HS3ST4: variants seen among roughly 807,000 people sequenced by gnomAD.
The protein encoded by HS3ST4 is heparan sulfate glucosamine 3-O-sulfotransferase 4.
A neutral mutation model predicts 29.2 loss-of-function variants in HS3ST4; 17 were observed. The observed-to-expected ratio is 0.58, with a 90% CI of 0.40 to 0.87. HS3ST4 has a LOEUF of 0.87. Ranked by LOEUF, HS3ST4 falls within the 40% of genes least tolerant of loss-of-function variation. The pLI, the probability that HS3ST4 is intolerant of heterozygous loss-of-function variation, is 0.00. For missense variants in HS3ST4, 627 were observed against 634.5 expected (o/e 0.99, Z 0.13); for synonymous variants, 314 against 285.7 (o/e 1.10, Z -1.00).
At chr16:25,893,554 A>G (rs1968031306) in intron 1 of HS3ST4, among the ~76,000 whole-genome samples, 1 of 152,164 alleles carries the variant, frequency 6.6e-6, no homozygotes, top group Non-Finnish European at 1.5e-5. Context: ...ATGCAAATTC[A>G]TGGACCAGGG....
intron 1 of HS3ST4, among the ~76,000 whole-genome samples, chr16:25,719,590 G>C (rs1207488073): frequency 5.9e-5 from 9 of 152,208 alleles, no homozygotes. Context: ...ACTGTTACCT[G>C]TTGGATTTTG....
At chr16:25,755,074 A>G (rs545564382) in intron 1 of HS3ST4, among the ~76,000 whole-genome samples, 1 of 151,916 alleles carries the variant, frequency 6.6e-6, no homozygotes, top group East Asian at 1.9e-4. Flanking sequence ...CCTACTATCC[A>G]TCCATTCATT....
chr16:25,907,538 A>G (rs934506257), intron 1 of HS3ST4, among the ~76,000 whole-genome samples: 37 of 152,238 alleles, frequency 2.4e-4, no homozygotes, highest in African/African-American at 8.7e-4. Flanking sequence ...AGCTTCATCG[A>G]TGACCCAGAG....
At chr16:25,916,013 T>A (rs1968289912) in intron 1 of HS3ST4, among the ~76,000 whole-genome samples, 1 of 152,186 alleles carries the variant, frequency 6.6e-6, no homozygotes, top group African/African-American at 2.4e-5. Flanking sequence ...AGAGTAAACA[T>A]CATAGTGGTC....
At chr16:26,017,954 A>G (rs1035395743) in intron 1 of HS3ST4, among the ~76,000 whole-genome samples, 30 of 152,248 alleles carry the variant, frequency 2.0e-4, no homozygotes, top group African/African-American at 7.0e-4. Flanking sequence ...TAATTCAGGT[A>G]ACAGCAACAG....
At chr16:25,952,863 C>A (rs1427015086) in intron 1 of HS3ST4, among the ~76,000 whole-genome samples, 3 of 152,106 alleles carry the variant, frequency 2.0e-5, no homozygotes, top group Non-Finnish European at 4.4e-5. Context: ...AACCTCCCCA[C>A]TTCCCTGTGA....
chr16:25,857,921 T>TTCCTTCCTTCCTTTCTTTCTTTCTTTCC (rs1967594161), intron 1 of HS3ST4, among the ~76,000 whole-genome samples: 1 of 40,484 alleles, frequency 2.5e-5, no homozygotes, highest in Non-Finnish European at 4.3e-5. Context: ...CCTTCCTTCC[T>TTCCTTCCTTCCTTTCTTTCTTTCTTTCC]TTCTTTCTTT....
chr16:25,916,467 A>G (rs1345292159), intron 1 of HS3ST4, among the ~76,000 whole-genome samples: 1 of 151,902 alleles, frequency 6.6e-6, no homozygotes, highest in Admixed American at 6.6e-5. Flanking sequence ...GGTTCAAGCA[A>G]TTCTCCTGCC....
chr16:25,832,110 C>A (rs4365291), intron 1 of HS3ST4, among the ~76,000 whole-genome samples: 144,013 of 152,138 alleles, frequency 0.95, 68,642 homozygotes, highest in East Asian at 1. Flanking sequence ...CTGTTGCAAA[C>A]ATACATAAAA....
chr16:25,911,936 G>A (rs1483405758), intron 1 of HS3ST4, among the ~76,000 whole-genome samples: 1 of 152,186 alleles, frequency 6.6e-6, no homozygotes, highest in African/African-American at 2.4e-5. Flanking sequence ...GAATGATAGA[G>A]ACACCTGTCT....
chr16:25,758,546 C>G (rs1394121298), intron 1 of HS3ST4, among the ~76,000 whole-genome samples: 7 of 151,386 alleles, frequency 4.6e-5, no homozygotes, highest in Admixed American at 2.0e-4. Context: ...ATCTGAACTT[C>G]AGAAATGGAT....
intron 1 of HS3ST4, among the ~76,000 whole-genome samples, chr16:26,065,973 C>T (rs749615560): frequency 4.6e-5 from 7 of 152,188 alleles, no homozygotes; most frequent in African/African-American, 7.2e-5. Context: ...ATCACGTATA[C>T]GTTAATAAGA....
At chr16:25,750,479 C>G (rs1024556977) in intron 1 of HS3ST4, among the ~76,000 whole-genome samples, 1 of 152,150 alleles carries the variant, frequency 6.6e-6, no homozygotes, top group Admixed American at 6.5e-5. Context: ...AGCCAACACA[C>G]AAACTGTTAG....
Position 25,920,658 on chromosome 16 carries a change from A to C in HS3ST4, c.735-214954A>C, listed in dbSNP as rs188002951. ...CGCTGTGTCACTGGGGCTGGAGTAC[A>C]GTGGTGCGGTCATGGCTCACTGCAG... On this transcript the variant is annotated intron_variant, in intron 1 of 1. Coordinates refer to ENST00000331351, the MANE Select transcript of HS3ST4 (RefSeq NM_006040.3). 4.1e-3 allele frequency among the ~76,000 whole-genome samples: 600 copies of C among 146,428 alleles called. 4 individuals carry two copies. Among genetic ancestry groups the C allele is most frequent in the African/African-American group, 0.014 (556 of 39,248 alleles).
At chr16:25,988,431 C>A (rs2141726801) in intron 1 of HS3ST4, among the ~76,000 whole-genome samples, 1 of 152,276 alleles carries the variant, frequency 6.6e-6, no homozygotes, top group African/African-American at 2.4e-5. Context: ...TTATTCTGAG[C>A]CAGAGGCTTT....
At chr16:26,053,901 A>G (rs1898375170) in intron 1 of HS3ST4, among the ~76,000 whole-genome samples, 1 of 152,070 alleles carries the variant, frequency 6.6e-6, no homozygotes, top group African/African-American at 2.4e-5. Context: ...AAACATGCCT[A>G]TCATGTGACG....
At chr16:26,112,906 T>C (rs1899150685) in intron 1 of HS3ST4, among the ~76,000 whole-genome samples, 1 of 61,220 alleles carries the variant, frequency 1.6e-5, no homozygotes, top group South Asian at 5.1e-4. Flanking sequence ...GAAAACAAAG[T>C]GGCATTAGCT....
intron 1 of HS3ST4, among the ~76,000 whole-genome samples, chr16:25,904,653 T>A (rs1968162144): frequency 1.3e-5 from 2 of 152,210 alleles, no homozygotes; most frequent in African/African-American, 4.8e-5. Context: ...AGTCTTTCAA[T>A]ATAGCTTGGT....
At chr16:25,854,197 A>C (rs1341438556) in intron 1 of HS3ST4, among the ~76,000 whole-genome samples, 1 of 152,022 alleles carries the variant, frequency 6.6e-6, no homozygotes, top group Non-Finnish European at 1.5e-5. Context: ...CAGTGGCATA[A>C]TGATAGCTCA....
Sources: gnomAD v4.1 joint callset for allele counts (sites outside exome capture counted in the v4.1 genomes callset) on GRCh38, gnomAD v4.1.1 for gene constraint, MANE v1.5 for transcripts, NCBI Gene and HGNC (gene_info 2026-07-23, HGNC 2026-07-21) for gene names.